TRPM8: variants seen among roughly 807,000 people sequenced by gnomAD.
TRPM8 encodes transient receptor potential cation channel subfamily M member 8.
TRPM8 carries 110 observed loss-of-function variants against 133.7 expected under a neutral mutation model. The observed-to-expected ratio is 0.82, with a 90% CI of 0.70 to 0.96. TRPM8 has a LOEUF of 0.96. TRPM8 is among the 40% of genes least tolerant of loss of function. The pLI is 0.00. For missense variants in TRPM8, 1,291 were observed against 1,379.5 expected (o/e 0.94, Z 1.02); for synonymous variants, 535 against 532.3 (o/e 1.01, Z -0.07).
At chr2:233,977,434 C>G (rs1691897803) in intron 17 of TRPM8, among the ~76,000 whole-genome samples, 1 of 152,164 alleles carries the variant, frequency 6.6e-6, no homozygotes. Flanking sequence ...TGACCTATTT[C>G]CGACGTCGCT....
rs199756522 is a variant in TRPM8, at chr2:233,961,020, G to A, written c.1607G>A (p.Arg536Gln). The A allele has an allele frequency of 3.8e-5, 61 of 1,613,984 alleles. No homozygotes were observed. In the Admixed American group the frequency reaches 4.5e-4, roughly 12 times the overall value. Residue 536 changes from arginine to glutamine, a missense_variant, in exon 12 of 26, where the codon CGG (arginine) becomes CAG (glutamine). Arg to Gln is a conservative substitution (Grantham distance 43, BLOSUM62 1). Transcript: ENST00000324695. ...GTTGCGAACTTCCGAAGAGGCTTCC[G>A]GAAGGAAGACAGAAATGGCCGGGAC... is the stretch of plus-strand genomic sequence containing the variant. ...KLVANFRRGF[R>Q]KEDRNGRDEM...
At chr2:233,926,389 G>A (rs766024639) in intron 1 of TRPM8, 144 bp from the exon 2 acceptor site, 12 of 670,092 alleles carry the variant, frequency 1.8e-5, no homozygotes, top group Non-Finnish European at 2.7e-5. Flanking sequence ...GAGGCACAAT[G>A]ACCATGGTGG....
chr2:233,930,498 TA>T (rs1028878821), intron 2 of TRPM8, among the ~76,000 whole-genome samples, 169 bp from the exon 3 acceptor site: 49 of 152,240 alleles, frequency 3.2e-4, no homozygotes, highest in African/African-American at 9.1e-4. Context: ...TTTGCATCTT[TA>T]AAAAAAATTT....
At chr2:233,976,995 A>C (rs1691887696) in intron 17 of TRPM8, among the ~76,000 whole-genome samples, 1 of 152,112 alleles carries the variant, frequency 6.6e-6, no homozygotes, top group African/African-American at 2.4e-5. Context: ...TGTTAGGGGA[A>C]AAAAAGAAAA....
At chr2:233,939,317 C>A in intron 5 of TRPM8, 142 bp downstream of exon 5, 2 of 924,870 alleles carry the variant, frequency 2.2e-6, no homozygotes, top group South Asian at 3.5e-5. Flanking sequence ...TTATTGAAAG[C>A]CATATCCTCA....
chr2:233,981,660 C>T (rs1251854533), intron 18 of TRPM8, 114 bp from the exon 19 acceptor site: 1 of 1,076,916 alleles, frequency 9.3e-7, no homozygotes, highest in Non-Finnish European at 1.3e-6. Flanking sequence ...CCTATTTTCA[C>T]TCACTCAACC....
At chr2:233,951,072 A>AC in intron 9 of TRPM8, among the ~76,000 whole-genome samples, 1 of 149,778 alleles carries the variant, frequency 6.7e-6, no homozygotes, top group African/African-American at 2.5e-5. Flanking sequence ...AAACAAACAA[A>AC]AATTACCCAG....
intron 17 of TRPM8, among the ~76,000 whole-genome samples, chr2:233,975,285 A>T (rs1328979588): frequency 6.6e-6 from 1 of 152,164 alleles, no homozygotes; most frequent in Non-Finnish European, 1.5e-5. Context: ...AATTCAACTC[A>T]AGGGCTGTGT....
At chr2:233,969,583 C>T in intron 15 of TRPM8, 112 bp from the exon 16 acceptor site, 1 of 690,766 alleles carries the variant, frequency 1.4e-6, no homozygotes. Flanking sequence ...GACATTAATT[C>T]AAAGAGCTGT....
chr2:234,010,665 T>C (rs1177187608), intron 24 of TRPM8, among the ~76,000 whole-genome samples: 1 of 152,252 alleles, frequency 6.6e-6, no homozygotes, highest in African/African-American at 2.4e-5. Flanking sequence ...TTTTTGATAA[T>C]AAGCGTCGTA....
At chr2:233,957,857 C>A (rs1392968669) in intron 11 of TRPM8, among the ~76,000 whole-genome samples, 7 of 152,174 alleles carry the variant, frequency 4.6e-5, no homozygotes, top group Non-Finnish European at 8.8e-5. Flanking sequence ...TTTGAGAGAA[C>A]CAATGGTTCA....
intron 22 of TRPM8, among the ~76,000 whole-genome samples, chr2:234,000,747 C>T (rs146527815): frequency 0.012 from 1,813 of 151,606 alleles, 17 homozygotes; most frequent in Non-Finnish European, 0.019. Context: ...GGCGCAGTCT[C>T]GGCTCTCTGA....
At chr2:233,937,764 C>T (rs1035272436) in intron 4 of TRPM8, among the ~76,000 whole-genome samples, 3 of 152,216 alleles carry the variant, frequency 2.0e-5, no homozygotes, top group Non-Finnish European at 2.9e-5. Flanking sequence ...CAGGCATCCA[C>T]GTCACATCCA....
chr2:233,927,923 TTTC>T lies in TRPM8; in HGVS notation c.117+1271_117+1273del, dbSNP rs1559516683. ...CTTTCTTTCTTTCTCTCTCTCTCTC[TTTC>T]TCTCTCTCTCTCTCTCTCTCTCTCT... On this transcript the variant is annotated intron_variant, in intron 2 of 25. Coordinates refer to ENST00000324695, the MANE Select transcript of TRPM8 (RefSeq NM_024080.5). Among the ~76,000 whole-genome samples, 10 of 40,504 alleles carry T rather than the reference TTTC, an allele frequency of 2.5e-4. 3 individuals carry two copies. The East Asian group carries it at 8.8e-3, about 35-fold the overall frequency. The allele number at this position is 40,504 out of a possible 152,430, so 26.6% of individuals were successfully genotyped here. A position where few individuals can be genotyped will look rare whatever the true frequency, so the allele number is the denominator to read the frequency against.
chr2:233,927,870 CTTTCTT>C (rs1691585830), intron 2 of TRPM8, among the ~76,000 whole-genome samples: 1 of 55,534 alleles, frequency 1.8e-5, no homozygotes, highest in Non-Finnish European at 2.8e-5. Context: ...CTCTTTCTTT[CTTTCTT>C]TCTTTCTTTC....
At chr2:233,919,302 T>G (rs1691364089) in intron 1 of TRPM8, among the ~76,000 whole-genome samples, 1 of 152,174 alleles carries the variant, frequency 6.6e-6, no homozygotes, top group Admixed American at 6.5e-5. Flanking sequence ...ATAAAAATAG[T>G]ACCACGGCCA....
chr2:233,942,582 G>T lies in TRPM8; in HGVS notation c.533G>T (p.Trp178Leu). ...TCTTCCTATTTGTTGACAGGTGCTT[G>T]GATTCTCACGGGAGGCACCCATTAT... ...LIYIAQSKGA[W>L]ILTGGTHYGL... Residue 178 changes from tryptophan (W) to leucine (L), a missense_variant, in exon 6 of 26, where the codon TGG (tryptophan) becomes TTG (leucine). Transcript: ENST00000324695. The T allele has an allele frequency of 6.2e-7, 1 of 1,614,174 alleles. No homozygotes were observed. The highest frequency in any genetic ancestry group is 1.1e-5 in the South Asian group (1 of 91,054).
Position 233,947,123 on chromosome 2 carries a change from T to G in TRPM8, c.910T>G (p.Phe304Val). The change falls in exon 8 of 26, where the codon TTT becomes GTT. Residue 304 changes from phenylalanine (F) to valine (V), a missense_variant. By Grantham distance (50) the Phe-to-Val change is conservative. Coordinates refer to ENST00000324695, the MANE Select transcript of TRPM8 (RefSeq NM_024080.5). ...NYGGKIPIVC[F>V]AQGGGKETLK... ...TGGTGGCAAGATCCCCATTGTGTGT[T>G]TTGCCCAAGGAGGTGGAAAAGAGAC... 6.2e-7 allele frequency: 1 copy of G among 1,614,152 alleles called. No individual in the cohort carries two copies. The highest frequency in any genetic ancestry group is 8.5e-7 in the Non-Finnish European group (1 of 1,179,988).
Position 233,939,133 on chromosome 2 carries a change from C to T in TRPM8, c.484C>T (p.Arg162Cys). Reference sequence around the variant, plus strand: ...GAACTTCGCCCTGAAGCCGCGCATGCGCAAGATCTTCAGCCGGCTCATCTA... The same window carrying T: ...GAACTTCGCCCTGAAGCCGCGCATGTGCAAGATCTTCAGCCGGCTCATCTA... ...AKNFALKPRMRKIFSRLIYIA... is the reference protein window; with the variant it reads ...AKNFALKPRMCKIFSRLIYIA... Residue 162 changes from arginine (R) to cysteine (C), a missense_variant, in exon 5 of 26, where the codon CGC (arginine) becomes TGC (cysteine). By Grantham distance (180) the Arg-to-Cys change is radical. Transcript: ENST00000324695. 3.1e-6 allele frequency: 5 copies of T among 1,614,142 alleles called. No individual in the cohort carries two copies. The highest frequency in any genetic ancestry group is 4.2e-6 in the Non-Finnish European group (5 of 1,180,042).
Sources: allele counts gnomAD v4.1 joint callset (sites outside exome capture counted in the v4.1 genomes callset), GRCh38; gene constraint gnomAD v4.1.1; transcripts MANE v1.5; gene names NCBI Gene and HGNC (gene_info 2026-07-23, HGNC 2026-07-21).